The following TMEM236 variants were observed in gnomAD, a reference collection of about 807,000 sequenced individuals.
TMEM236 encodes family with sequence similarity 23, member A.
TMEM236 carries 11 observed loss-of-function variants against 14.7 expected under a neutral mutation model. The ratio of observed to expected loss-of-function variants is 0.75; its 90% CI spans 0.47 to 1.24. The LOEUF (loss-of-function observed/expected upper bound fraction) is 1.24. Ranked by LOEUF, TMEM236 falls within the 50% of genes most tolerant of loss-of-function variation. The pLI is 0.00. For missense variants in TMEM236, 464 were observed against 427.3 expected (o/e 1.09, Z -0.76); for synonymous variants, 182 against 168.6 (o/e 1.08, Z -0.62).
At chr10:17,791,978 C>T (rs1267036823) in intron 3 of TMEM236, among the ~76,000 whole-genome samples, 1 of 152,316 alleles carries the variant, frequency 6.6e-6, no homozygotes, top group African/African-American at 2.4e-5. Context: ...CATATTTGCT[C>T]ATTACAGGCA....
At chr10:17,788,920 C>T (rs1837878625) in intron 3 of TMEM236, among the ~76,000 whole-genome samples, 5 of 152,140 alleles carry the variant, frequency 3.3e-5, no homozygotes, top group Non-Finnish European at 7.3e-5. Context: ...AAAACTTGTA[C>T]ACAGTTTTGA....
At chr10:17,756,429 G>T (rs1049941073) in intron 1 of TMEM236, among the ~76,000 whole-genome samples, 3 of 151,996 alleles carry the variant, frequency 2.0e-5, no homozygotes, top group Non-Finnish European at 2.9e-5. Context: ...CTGAGTAGTG[G>T]GGATTACAGT....
intron 3 of TMEM236, among the ~76,000 whole-genome samples, chr10:17,787,599 T>G (rs1299771328): frequency 3.9e-5 from 6 of 152,312 alleles, no homozygotes; most frequent in African/African-American, 1.4e-4. Flanking sequence ...GCTAATAGAT[T>G]CCAGAAAAGA....
rs1363531534 is a variant in TMEM236, at chr10:17,795,980, C to T, written c.532C>T (p.Gln178Ter). The change falls in exon 4 of 4, where the codon CAA becomes TAA. Residue 178 changes from glutamine (Q) to a stop codon, truncating the protein, a stop_gained. Transcript: ENST00000377495. LOFTEE classifies it low-confidence loss of function (END_TRUNC). Reference protein sequence around the residue: ...SLQHIKTVTEQVRQSPENAAS... With the variant: ...SLQHIKTVTE ...GCAACACATAAAAACTGTGACGGAG[C>T]AAGTGAGGCAAAGTCCAGAAAACGC... The T allele has an allele frequency of 1.2e-6, 2 of 1,613,868 alleles. No individual in the cohort carries two copies. Among genetic ancestry groups the T allele is most frequent in the East Asian group, 2.2e-5 (1 of 44,874 alleles).
intron 3 of TMEM236, among the ~76,000 whole-genome samples, chr10:17,781,320 G>T (rs1837744036): frequency 2.0e-5 from 3 of 152,148 alleles, no homozygotes; most frequent in African/African-American, 7.2e-5. Context: ...AATTAAGCTT[G>T]GTTGGATTTC....
In TMEM236 at chr10:17,752,833, C is replaced by G. The variant is rs1038610336; in HGVS notation, c.257+281C>G. ...CTGCCTGCCTCAGCCTCCCAAAGTA[C>G]TAGGATTACAGGCAGAAGCCACAAT... On this transcript the variant is annotated intron_variant, in intron 1 of 3. Transcript: ENST00000377495. Among the ~76,000 whole-genome samples the G allele has an allele frequency of 5.5e-3, 844 of 152,280 alleles. 6 individuals carry two copies. Among genetic ancestry groups the G allele is most frequent in the African/African-American group, 0.019 (798 of 41,550 alleles).
intron 1 of TMEM236, among the ~76,000 whole-genome samples, chr10:17,768,522 G>T (rs1322611780): frequency 2.0e-5 from 3 of 152,096 alleles, no homozygotes; most frequent in East Asian, 1.9e-4. Context: ...GGTTTCATAG[G>T]ATTCACTAGA....
At chr10:17,763,271 G>A (rs1837406041) in intron 1 of TMEM236, among the ~76,000 whole-genome samples, 1 of 152,018 alleles carries the variant, frequency 6.6e-6, no homozygotes, top group African/African-American at 2.4e-5. Flanking sequence ...GGGCAACACA[G>A]CGAGACCCTG....
Position 17,796,181 on chromosome 10 carries a change from T to C in TMEM236, c.733T>C (p.Trp245Arg). ...AELFLWSFLL[W>R]SDTIEMVRVA... ...GTTATTCTTATGGAGCTTTCTCCTG[T>C]GGTCTGACACGATAGAAATGGTGCG... Residue 245 changes from tryptophan (W) to arginine (R), a missense_variant, in exon 4 of 4, where the codon TGG (tryptophan) becomes CGG (arginine). Trp to Arg is a moderately radical substitution (Grantham distance 101). Coordinates refer to ENST00000377495, the MANE Select transcript of TMEM236 (RefSeq NM_001098844.3). The C allele has an allele frequency of 1.2e-6, 2 of 1,613,986 alleles. No homozygotes were observed. Among genetic ancestry groups the C allele is most frequent in the Non-Finnish European group, 1.7e-6 (2 of 1,179,866 alleles).
chr10:17,771,138 C>T lies in TMEM236; in HGVS notation c.258-171C>T, dbSNP rs573278187. 68 of 639,800 alleles carry T rather than the reference C, an allele frequency of 1.1e-4. 1 individual carries two copies. The highest frequency in any genetic ancestry group is 8.9e-4 in the South Asian group (47 of 52,884). 39.6% of individuals were successfully genotyped at this position (639,800 alleles called of 1,614,324 possible). On this transcript the variant is annotated intron_variant, in intron 1 of 3. Transcript: ENST00000377495. ...TCTAGAAGAAGCATTCTGGTTTCTG[C>T]GCGTGTTCCTCTTTGCCATATGCAA...
intron 2 of TMEM236, among the ~76,000 whole-genome samples, chr10:17,772,299 T>C (rs1394329163): frequency 6.6e-6 from 1 of 152,332 alleles, no homozygotes; most frequent in East Asian, 1.9e-4. Flanking sequence ...GAATACATCA[T>C]AGATGCTAAA....
At chr10:17,794,721 C>T (rs1282998621) in intron 3 of TMEM236, among the ~76,000 whole-genome samples, 2 of 152,162 alleles carry the variant, frequency 1.3e-5, no homozygotes, top group African/African-American at 2.4e-5. Context: ...TCACTCTTCA[C>T]TATGAATCTC....
At chr10:17,783,511 C>T (rs1211820206) in intron 3 of TMEM236, among the ~76,000 whole-genome samples, 4 of 152,152 alleles carry the variant, frequency 2.6e-5, no homozygotes, top group South Asian at 2.1e-4. Flanking sequence ...CAATGGCCCT[C>T]GTCCAATGCC....
intron 3 of TMEM236, among the ~76,000 whole-genome samples, chr10:17,788,025 A>C (rs1222509030): frequency 2.0e-5 from 3 of 151,772 alleles, no homozygotes; most frequent in Admixed American, 6.6e-5. Flanking sequence ...ATTCTACCTT[A>C]CTATGTATAT....
In TMEM236 at chr10:17,796,023, C is replaced by T. The variant is rs988526312; in HGVS notation, c.575C>T (p.Thr192Ile). ...GAAAACGCTGCATCTCCCCAGGCAA[C>T]CAACAGCACCCAGGTGTCGCAGCCA... Reference protein sequence around the residue: ...SPENAASPQATNSTQVSQPSG... With the variant: ...SPENAASPQAINSTQVSQPSG... The change falls in exon 4 of 4, where the codon ACC becomes ATC. Residue 192 changes from threonine (T) to isoleucine (I), a missense_variant. Physicochemically the swap from Thr to Ile is moderately conservative, Grantham distance 89. Coordinates refer to ENST00000377495, the MANE Select transcript of TMEM236 (RefSeq NM_001098844.3). 85 of 1,613,820 alleles carry T rather than the reference C, an allele frequency of 5.3e-5. No individual in the cohort carries two copies. Among genetic ancestry groups the T allele is most frequent in the Non-Finnish European group, 7.0e-5 (83 of 1,179,866 alleles).
intron 3 of TMEM236, among the ~76,000 whole-genome samples, chr10:17,788,136 G>C (rs1359547881): frequency 6.7e-6 from 1 of 149,998 alleles, no homozygotes; most frequent in Non-Finnish European, 1.5e-5. Context: ...GAAGAATTCA[G>C]CATGAATTTA....
chr10:17,794,406 G>A (rs1837975184), intron 3 of TMEM236, among the ~76,000 whole-genome samples: 1 of 152,120 alleles, frequency 6.6e-6, no homozygotes, highest in African/African-American at 2.4e-5. Flanking sequence ...GTGGATAAAT[G>A]TTTGAAAAAG....
intron 3 of TMEM236, among the ~76,000 whole-genome samples, chr10:17,781,903 C>T (rs1244594728): frequency 3.9e-5 from 6 of 152,068 alleles, no homozygotes; most frequent in African/African-American, 1.5e-4. Context: ...GAAAAAAAAG[C>T]TTCCTCTGCT....
At chr10:17,775,992 A>G in intron 2 of TMEM236, 37 bp from the exon 3 acceptor site, 1 of 1,613,064 alleles carries the variant, frequency 6.2e-7, no homozygotes, top group Non-Finnish European at 8.5e-7. Flanking sequence ...AAGAAAGCAC[A>G]ATAATTTAAT....
Sources: gnomAD v4.1 joint callset for allele counts (sites outside exome capture counted in the v4.1 genomes callset) on GRCh38, gnomAD v4.1.1 for gene constraint, MANE v1.5 for transcripts, NCBI Gene and HGNC (gene_info 2026-07-23, HGNC 2026-07-21) for gene names.